EMILIN2: variants seen among roughly 807,000 people sequenced by gnomAD.
EMILIN2 encodes elastin microfibril interfacer 2.
A neutral mutation model predicts 87.1 loss-of-function variants in EMILIN2; 71 were observed. The observed-to-expected ratio is 0.82, with a 90% confidence interval of 0.67 to 0.99. The LOEUF (loss-of-function observed/expected upper bound fraction) is 0.99, where lower values mean the gene tolerates loss of function less well. Among genes scored for constraint, EMILIN2 ranks in the 50% least tolerant of loss-of-function variants. EMILIN2 has a pLI of 0.00. For missense variants in EMILIN2, 1,407 were observed against 1,371.8 expected (o/e 1.03, Z -0.40); for synonymous variants, 581 against 563.4 (o/e 1.03, Z -0.44).
At position 2,880,364 on chromosome 18, in the gene EMILIN2, C is replaced by G. The variant is rs2076770549; in HGVS notation, c.258-4600C>G. On this transcript the variant is annotated intron_variant, in intron 2 of 7. Transcript: ENST00000254528. The surrounding 1 kb of genome is among the most constrained non-coding windows in gnomAD (Gnocchi z 4.1). The stretch of plus-strand genomic sequence containing the variant: ...TTGCTGAACCCATTAAAATGGGAAA[C>G]CCTTGTTTTCACCTCCGAAAAGGGT... Among the ~76,000 whole-genome samples the G allele has an allele frequency of 6.6e-6, 1 of 152,098 alleles. No homozygotes were observed. Among genetic ancestry groups the G allele is most frequent in the Non-Finnish European group, 1.5e-5 (1 of 68,008 alleles).
At position 2,909,047 on chromosome 18, in the gene EMILIN2, C is replaced by T. The variant is rs186698449; in HGVS notation, c.2695+72C>T. 17 of 1,553,888 alleles carry T rather than the reference C, an allele frequency of 1.1e-5. No homozygotes were observed. The Admixed American group carries it at 2.0e-4, about 18-fold the overall frequency. ...GGCCTCTGCCCCTCCTCTGCATCTCCTGCCTCCTCCCTCCAGGCTATTAGC... is the reference window on the plus strand; with the variant it reads ...GGCCTCTGCCCCTCCTCTGCATCTCTTGCCTCCTCCCTCCAGGCTATTAGC... On this transcript the variant is annotated intron_variant, in intron 6 of 7. Transcript: ENST00000254528.
chr18:2,868,583 T>C (rs1327482641), intron 2 of EMILIN2, among the ~76,000 whole-genome samples: 2 of 152,336 alleles, frequency 1.3e-5, no homozygotes, highest in East Asian at 1.9e-4. Context: ...CACTCGCGGT[T>C]AGGAGCTGGA....
intron 2 of EMILIN2, among the ~76,000 whole-genome samples, chr18:2,852,813 C>G (rs1172259585): frequency 6.6e-6 from 1 of 152,226 alleles, no homozygotes; most frequent in Non-Finnish European, 1.5e-5. Context: ...GCCATTGCAC[C>G]TGGCCCGCAA....
Position 2,913,262 on chromosome 18 carries a change from C to G in EMILIN2, c.3020C>G (p.Ala1007Gly). ...GALHTCGGPG[A>G]FHLIVHLKAG... ...TTGCATACCTGCGGGGGCCCGGGGG[C>G]ATTCCACCTCATCGTGCACCTGAAG... Residue 1007 changes from alanine (A) to glycine (G), a missense_variant, in exon 8 of 8, where the codon GCA becomes GGA. Ala to Gly is a moderately conservative substitution (Grantham distance 60, BLOSUM62 0). Coordinates refer to ENST00000254528, the MANE Select transcript of EMILIN2 (RefSeq NM_032048.3). The G allele has an allele frequency of 6.2e-7, 1 of 1,613,792 alleles. No individual in the cohort carries two copies. Among genetic ancestry groups the G allele is most frequent in the East Asian group, 2.2e-5 (1 of 44,848 alleles).
chr18:2,854,519 GTGGTGGCTCA>G (rs966193478), intron 2 of EMILIN2, among the ~76,000 whole-genome samples: 3 of 152,194 alleles, frequency 2.0e-5, no homozygotes, highest in African/African-American at 7.2e-5. Context: ...TTGGCTGGGC[GTGGTGGCTCA>G]TGCTTATAAT....
rs2076932843 is a variant in EMILIN2 at position 2,909,899 on chromosome 18, G to A, written c.2824+80G>A. Reference sequence around the variant, plus strand: ...GGACCCCTCCCACCATGGCTGGCTGGTTCCCAGCGTCCCGTGGGCTCAGGG... The same window carrying A: ...GGACCCCTCCCACCATGGCTGGCTGATTCCCAGCGTCCCGTGGGCTCAGGG... On this transcript the variant is annotated intron_variant, in intron 7 of 7. Transcript: ENST00000254528. 1.6e-5 allele frequency: 25 copies of A among 1,570,152 alleles called. No homozygotes were observed. In the South Asian group the frequency reaches 2.8e-4, roughly 18 times the overall value.
chr18:2,878,398 G>A (rs570107833), intron 2 of EMILIN2, among the ~76,000 whole-genome samples: 1 of 152,148 alleles, frequency 6.6e-6, no homozygotes, highest in Non-Finnish European at 1.5e-5. Flanking sequence ...ATTGAGGCAG[G>A]AGAATCACTT....
intron 4 of EMILIN2, among the ~76,000 whole-genome samples, chr18:2,900,876 A>G (rs563275001): frequency 2.0e-5 from 3 of 152,318 alleles, no homozygotes; most frequent in South Asian, 4.1e-4. Flanking sequence ...TTTTAAAAAA[A>G]AGTCTGAAGT....
chr18:2,891,550 C>A lies in EMILIN2; in HGVS notation c.1423C>A (p.Leu475Ile), dbSNP rs1416471010. The A allele has an allele frequency of 1.9e-6, 3 of 1,613,958 alleles. No individual in the cohort carries two copies. The highest frequency in any genetic ancestry group is 2.5e-6 in the Non-Finnish European group (3 of 1,180,042). The change falls in exon 4 of 8, where the codon CTT (leucine) becomes ATT (isoleucine). Residue 475 changes from leucine (L) to isoleucine (I), a missense_variant. By Grantham distance (5) the Leu-to-Ile change is conservative. Coordinates refer to ENST00000254528, the MANE Select transcript of EMILIN2 (RefSeq NM_032048.3). This position sits in a 1 kb window ranked among gnomAD's most constrained non-coding sequence, Gnocchi z 4.6. ...ACATTGCTTTTACATTGAGGAAACCCTTCGGGGCGCCATTAATGGAGAGGT... is the reference window on the plus strand; with the variant it reads ...ACATTGCTTTTACATTGAGGAAACCATTCGGGGCGCCATTAATGGAGAGGT... ...EEHCFYIEET[L>I]RGAINGEVGD...
chr18:2,850,093 ATTT>A lies in EMILIN2; in HGVS notation c.257+2180_257+2182del, dbSNP rs71366611. Among the ~76,000 whole-genome samples the A allele has an allele frequency of 3.4e-3, 419 of 122,530 alleles. 1 individual carries two copies. The highest frequency in any genetic ancestry group is 0.012 in the African/African-American group (397 of 32,138). The allele number at this position is 122,530 out of a possible 152,430, so 80.4% of individuals were successfully genotyped here. On this transcript the variant is annotated intron_variant, in intron 2 of 7. Coordinates refer to ENST00000254528, the MANE Select transcript of EMILIN2 (RefSeq NM_032048.3). ...AGGTGTGTGCCACCATGCCCAGCTA[ATTT>A]TTTTTTTTTTTTTTTTTGTATTTTT...
chr18:2,848,753 G>A lies in EMILIN2; in HGVS notation c.257+822G>A, dbSNP rs1367826083. Among the ~76,000 whole-genome samples, 1 of 152,198 alleles carries A rather than the reference G, an allele frequency of 6.6e-6. No homozygotes were observed. Among genetic ancestry groups the A allele is most frequent in the African/African-American group, 2.4e-5 (1 of 41,448 alleles). ...TAAATGGCTGTTGAGGAACACATGT[G>A]ATGGCTGAAATTAATTGTTTTCCAC... On this transcript the variant is annotated intron_variant, in intron 2 of 7. Coordinates refer to ENST00000254528, the MANE Select transcript of EMILIN2 (RefSeq NM_032048.3). The surrounding 1 kb of genome is among the most constrained non-coding windows in gnomAD (Gnocchi z 4.1).
chr18:2,880,611 G>A lies in EMILIN2; in HGVS notation c.258-4353G>A, dbSNP rs1157123987. Among the ~76,000 whole-genome samples, 4 of 152,338 alleles carry A rather than the reference G, an allele frequency of 2.6e-5. No homozygotes were observed. In the South Asian group the frequency reaches 6.2e-4, roughly 24 times the overall value. ...CTGCAGCCGAGTCCGCCCCTCCAGC[G>A]CTGCGCAGCCCCGCCGCCTTAACTT... On this transcript the variant is annotated intron_variant, in intron 2 of 7. Coordinates refer to ENST00000254528, the MANE Select transcript of EMILIN2 (RefSeq NM_032048.3). This position sits in a 1 kb window ranked among gnomAD's most constrained non-coding sequence, Gnocchi z 4.1.
chr18:2,912,182 G>A (rs753288178), intron 7 of EMILIN2, among the ~76,000 whole-genome samples: 6 of 151,924 alleles, frequency 3.9e-5, no homozygotes, highest in Admixed American at 6.5e-5. Context: ...GCGACTACAG[G>A]TGCACGCCAC....
At position 2,914,828 on chromosome 18, in the gene EMILIN2, G is replaced by T. The variant is rs961381884; in HGVS notation, c.*1424G>T. 9 of 152,212 alleles carry T rather than the reference G, an allele frequency of 5.9e-5. No homozygotes were observed. Among genetic ancestry groups the T allele is most frequent in the African/African-American group, 2.2e-4 (9 of 41,452 alleles). The allele number at this position is 152,212 out of a possible 1,614,324, so 9.4% of individuals were successfully genotyped here. On this transcript the variant is annotated 3_prime_UTR_variant, in exon 8 of 8. Coordinates refer to ENST00000254528, the MANE Select transcript of EMILIN2 (RefSeq NM_032048.3). ...CTAGGAAGACCAGCAAGAACTAAAG[G>T]TTTGCCGTTTTACTATTTAAAATGT...
Position 2,847,135 on chromosome 18 carries a change from C to A in EMILIN2, c.-54C>A. The A allele has an allele frequency of 9.4e-7, 1 of 1,065,202 alleles. No individual in the cohort carries two copies. Among genetic ancestry groups the A allele is most frequent in the Non-Finnish European group, 1.1e-6 (1 of 882,910 alleles). 66.0% of individuals were successfully genotyped at this position (1,065,202 alleles called of 1,614,324 possible). A position where few individuals can be genotyped will look rare whatever the true frequency, so the allele number is the denominator to read the frequency against. ...CGCCGGCAGCCTTGTGGCCGGTGCC[C>A]CGATCCGCCGCGCTCCGGACCCGGG... On this transcript the variant is annotated 5_prime_UTR_variant, in exon 1 of 8. Coordinates refer to ENST00000254528, the MANE Select transcript of EMILIN2 (RefSeq NM_032048.3). The surrounding 1 kb of genome is among the most constrained non-coding windows in gnomAD (Gnocchi z 4.5).
rs2144083704 is a variant in EMILIN2 at position 2,913,667 on chromosome 18, A to G, written c.*263A>G. The G allele has an allele frequency of 2.3e-6, 1 of 428,364 alleles. No individual in the cohort carries two copies. The allele number at this position is 428,364 out of a possible 1,614,324, so 26.5% of individuals were successfully genotyped here. ...AAGACTTGGAAAGGCCTCCACCTGTATCTACACTCTGAGGGCCCTGGACTG... is the reference window on the plus strand; with the variant it reads ...AAGACTTGGAAAGGCCTCCACCTGTGTCTACACTCTGAGGGCCCTGGACTG... On this transcript the variant is annotated 3_prime_UTR_variant, in exon 8 of 8. Coordinates refer to ENST00000254528, the MANE Select transcript of EMILIN2 (RefSeq NM_032048.3).
chr18:2,881,747 G>T (rs1220154312), intron 2 of EMILIN2, among the ~76,000 whole-genome samples: 3 of 152,234 alleles, frequency 2.0e-5, no homozygotes, highest in Non-Finnish European at 4.4e-5. Context: ...GAGGAACCAC[G>T]TTTTTCTGAG....
At chr18:2,895,741 G>A (rs1216949985) in intron 4 of EMILIN2, among the ~76,000 whole-genome samples, 1 of 152,230 alleles carries the variant, frequency 6.6e-6, no homozygotes. Flanking sequence ...AAGCTGCTGG[G>A]CCTCCCACAG....
At chr18:2,855,813 C>T (rs542455465) in intron 2 of EMILIN2, among the ~76,000 whole-genome samples, 1 of 152,316 alleles carries the variant, frequency 6.6e-6, no homozygotes, top group South Asian at 2.1e-4. Flanking sequence ...GGCCCCAGTG[C>T]GGGAACACAG....
Sources: gnomAD v4.1 joint callset for allele counts (sites outside exome capture counted in the v4.1 genomes callset) on GRCh38, gnomAD v4.1.1 for gene constraint, Gnocchi (gnomAD v3.1) non-coding constraint, MANE v1.5 for transcripts, NCBI Gene and HGNC (gene_info 2026-07-23, HGNC 2026-07-21) for gene names.